The following HEPN1 variants were observed in gnomAD, a reference collection of about 807,000 sequenced individuals.
HEPN1 encodes the protein hepatocellular carcinoma, down-regulated 1, also known as protein HEPN1.
For missense variants in HEPN1, 97 were observed against 103.3 expected (o/e 0.94, Z 0.26); for synonymous variants, 46 against 41.2 (o/e 1.12, Z -0.45).
exon 1 of HEPN1, chr11:124,920,540 G>A: frequency 7.1e-7 from 1 of 1,409,244 alleles, no homozygotes; most frequent in Admixed American, 2.4e-5. Flanking sequence ...CAGGTACCAG[G>A]TGCCCAGGGA....
chr11:124,920,639 T>TA (rs1354063291), exon 1 of HEPN1: 2 of 1,004,118 alleles, frequency 2.0e-6, no homozygotes, highest in African/African-American at 2.0e-5. Context: ...TTAGTGCAGC[T>TA]GTGGATTCTG....
chr11:124,919,528 A>G, exon 1 of HEPN1: 1 of 582,898 alleles, frequency 1.7e-6, no homozygotes, highest in Non-Finnish European at 3.0e-6. Context: ...TGCCTCTTCC[A>G]CCTTCTTGAG....
At chr11:124,920,232 G>C in exon 1 of HEPN1, 1 of 880,012 alleles carries the variant, frequency 1.1e-6, no homozygotes, top group Non-Finnish European at 1.7e-6. Context: ...TGTTTGAAAG[G>C]CTTGTTTTGT....
exon 1 of HEPN1, chr11:124,920,370 C>T: frequency 1.3e-6 from 2 of 1,540,526 alleles, no homozygotes; most frequent in Non-Finnish European, 1.8e-6. Context: ...CTCTTTTATT[C>T]ATGAACAGAG....
At chr11:124,919,928 T>C (rs761163524) in exon 1 of HEPN1, 1 of 1,614,090 alleles carries the variant, frequency 6.2e-7, no homozygotes, top group Non-Finnish European at 8.5e-7. Context: ...AGTAGATTAC[T>C]GCCACTCCTA....
chr11:124,919,792 C>A (rs368280630), exon 1 of HEPN1: 36 of 1,613,994 alleles, frequency 2.2e-5, no homozygotes, highest in Non-Finnish European at 3.1e-5. Context: ...GGGTTGATGG[C>A]GAATCAGAGC....
exon 1 of HEPN1, chr11:124,919,692 C>A: frequency 1.3e-6 from 2 of 1,582,958 alleles, no homozygotes; most frequent in South Asian, 1.2e-5. Flanking sequence ...GCAGAGGGGG[C>A]AAACTAGAAA....
exon 1 of HEPN1, chr11:124,920,506 T>C (rs1284521355): frequency 6.8e-7 from 1 of 1,477,106 alleles, no homozygotes; most frequent in Non-Finnish European, 9.1e-7. Flanking sequence ...ACTCGTACCC[T>C]TCCCTCACCA....
exon 1 of HEPN1, chr11:124,920,416 G>T: frequency 6.5e-7 from 1 of 1,548,298 alleles, no homozygotes; most frequent in Non-Finnish European, 8.7e-7. Flanking sequence ...GCCTCCGAGG[G>T]AGGCTGTGGG....
chr11:124,920,277 C>A, exon 1 of HEPN1: 1 of 1,041,974 alleles, frequency 9.6e-7, no homozygotes, highest in South Asian at 1.6e-5. Flanking sequence ...GTTTGATGAG[C>A]TAAAACAGTT....
exon 1 of HEPN1, chr11:124,920,051 C>T: frequency 6.2e-7 from 1 of 1,600,190 alleles, no homozygotes; most frequent in African/African-American, 1.3e-5. Flanking sequence ...TGCCCTGGGA[C>T]CTGAGCATGT....
chr11:124,920,397 G>A, exon 1 of HEPN1: 10 of 1,548,494 alleles, frequency 6.5e-6, no homozygotes, highest in Non-Finnish European at 7.9e-6. Context: ...AGAGTGCTTG[G>A]CATGGCATGC....
exon 1 of HEPN1, chr11:124,919,275 AG>A (rs1565335458): frequency 1.3e-5 from 2 of 158,716 alleles, no homozygotes; most frequent in Middle Eastern, 3.3e-3. Flanking sequence ...TTGAGCATCC[AG>A]TATGTGCTAG....
At chr11:124,919,400 C>A in exon 1 of HEPN1, 1 of 266,080 alleles carries the variant, frequency 3.8e-6, no homozygotes, top group Non-Finnish European at 7.1e-6. Flanking sequence ...TTGGCTTAAG[C>A]CTGGCAAGCT....
At chr11:124,919,755 GT>G in the HEPN1 span, 2 of 1,613,710 alleles carry the variant, frequency 1.2e-6, no homozygotes, top group South Asian at 2.2e-5. Context: ...GAGGTGATGG[GT>G]AACTGGGGCC....
At chr11:124,920,473 C>T (rs1175640279) in exon 1 of HEPN1, 2 of 1,538,342 alleles carry the variant, frequency 1.3e-6, no homozygotes, top group Middle Eastern at 1.7e-4. Flanking sequence ...TGCTAGCGCC[C>T]AGGTCAGAGG....
chr11:124,919,763 G>A, exon 1 of HEPN1: 1 of 1,613,894 alleles, frequency 6.2e-7, no homozygotes, highest in East Asian at 2.2e-5. Context: ...GGGTAACTGG[G>A]GCCTTGGAAT....
At position 124,919,923 on chromosome 11, in the gene HEPN1, A is replaced by G. The variant is rs1229116465; in HGVS notation, c.173A>G (p.Asp58Gly). 1.9e-6 allele frequency: 3 copies of G among 1,613,928 alleles called. No homozygotes were observed. In the African/African-American group the frequency reaches 4.0e-5, roughly 22 times the overall value. The stretch of plus-strand genomic sequence containing the variant: ...ATTGCCCTCTCTCCTCACACAGTAG[A>G]TTACTGCCACTCCTATGAACTGTTC... Residue 58 changes from aspartate to glycine, a missense_variant, in exon 1 of 1, where the codon GAT (aspartate) becomes GGT (glycine). Transcript: ENST00000408930.
At chr11:124,919,874 G>A (rs1947100573) in exon 1 of HEPN1, 1 of 1,614,162 alleles carries the variant, frequency 6.2e-7, no homozygotes. Flanking sequence ...TACACAGAGG[G>A]CCTCCTTCTC....
Sources: gnomAD v4.1 joint callset for allele counts on GRCh38, gnomAD v4.1.1 for gene constraint, MANE v1.5 for transcripts, NCBI Gene and HGNC (gene_info 2026-07-23, HGNC 2026-07-21) for gene names.